Variants in WWC1 observed in about 807,000 individuals in gnomAD.
WWC1 encodes protein KIBRA.
Under a neutral mutation model 138.4 loss-of-function variants are expected in WWC1, and 55 were observed. The ratio of observed to expected loss-of-function variants is 0.40; its 90% CI spans 0.32 to 0.50. WWC1 has a LOEUF of 0.50. Among genes scored for constraint, WWC1 ranks in the 20% least tolerant of loss-of-function variants. WWC1 has a pLI of 0.72. For missense variants in WWC1, 1,226 were observed against 1,420.4 expected, an observed-to-expected ratio of 0.86 and a Z score of 2.20; for synonymous variants, 524 against 564.9, an observed-to-expected ratio of 0.93 and a Z score of 1.03.
intron 5 of WWC1, among the ~76,000 whole-genome samples, chr5:168,403,454 C>T (rs1462848435): frequency 6.6e-6 from 1 of 152,128 alleles, no homozygotes; most frequent in African/African-American, 2.4e-5. Flanking sequence ...ATGACACCAG[C>T]TAAGCTTCTT....
At chr5:168,450,143 G>T (rs997339042) in intron 17 of WWC1, among the ~76,000 whole-genome samples, 7 of 152,182 alleles carry the variant, frequency 4.6e-5, no homozygotes, top group Non-Finnish European at 4.4e-5. Flanking sequence ...GTCTCATGCT[G>T]ATCAGAAGCC....
chr5:168,407,904 C>T (rs1034870384), intron 6 of WWC1, among the ~76,000 whole-genome samples: 4 of 151,930 alleles, frequency 2.6e-5, no homozygotes, highest in Non-Finnish European at 5.9e-5. Context: ...GCTCTATCAC[C>T]CAGGCTGGAA....
intron 1 of WWC1, among the ~76,000 whole-genome samples, chr5:168,328,051 C>G (rs917382874): frequency 6.6e-6 from 1 of 152,192 alleles, no homozygotes; most frequent in African/African-American, 2.4e-5. Flanking sequence ...GAGTAACTTG[C>G]TTAAGGTCTC....
rs537721214 is a variant in WWC1, at chr5:168,292,635, G to A, written c.119+364G>A. 2.4e-3 allele frequency among the ~76,000 whole-genome samples: 363 copies of A among 152,226 alleles called. No homozygotes were observed. Among genetic ancestry groups the A allele is most frequent in the Non-Finnish European group, 3.8e-3 (260 of 68,000 alleles). On this transcript the variant is annotated intron_variant, in intron 1 of 22. Coordinates refer to ENST00000265293, the MANE Select transcript of WWC1 (RefSeq NM_015238.3). The surrounding 1 kb of genome is among the most constrained non-coding windows in gnomAD (Gnocchi z 4.4). ...GGTTGGGGGAGCGACCTAGCCGGGT[G>A]AAGCCGGGTCTTCCCGGGGAGGCTT... is the stretch of plus-strand genomic sequence containing the variant.
intron 1 of WWC1, among the ~76,000 whole-genome samples, chr5:168,367,533 G>GTGTTAGCCAGGA (rs56106034): frequency 0.54 from 76,368 of 140,724 alleles, 21,261 homozygotes; most frequent in Admixed American, 0.63. Context: ...GGGTTTCACC[G>GTGTTAGCCAGGA]TGGTCTCGAT....
intron 1 of WWC1, among the ~76,000 whole-genome samples, chr5:168,346,549 G>A (rs1391926787): frequency 1.3e-5 from 2 of 152,202 alleles, no homozygotes; most frequent in East Asian, 3.9e-4. Context: ...TAGTAGGCGT[G>A]CCTGAAATGC....
rs1471433632 is a variant in WWC1 at position 168,368,821 on chromosome 5, T to G, written c.120-2603T>G. On this transcript the variant is annotated intron_variant, in intron 1 of 22. Coordinates refer to ENST00000265293, the MANE Select transcript of WWC1 (RefSeq NM_015238.3). ...ACACTGAGAGAAGTGGCCTTTTGTT[T>G]CTGACATCTGGCAGGGCATGGAGGG... Among the ~76,000 whole-genome samples the G allele has an allele frequency of 2.0e-5, 3 of 152,196 alleles. No individual in the cohort carries two copies. In the East Asian group the frequency reaches 5.8e-4, roughly 29 times the overall value.
At chr5:168,371,655 T>C in intron 2 of WWC1, 122 bp downstream of exon 2, 1 of 621,996 alleles carries the variant, frequency 1.6e-6, no homozygotes, top group Non-Finnish European at 2.8e-6. Context: ...TATTTTGTTT[T>C]ATATAGATTT....
chr5:168,423,012 G>A (rs546211590), intron 10 of WWC1, among the ~76,000 whole-genome samples: 1 of 151,858 alleles, frequency 6.6e-6, no homozygotes, highest in Non-Finnish European at 1.5e-5. Context: ...CGGGCGTGGT[G>A]GCAGGTGCCT....
chr5:168,403,088 T>TTTCTTTCTTTTCTTTCTTTTC (rs374804391), intron 5 of WWC1, among the ~76,000 whole-genome samples: 5 of 124,240 alleles, frequency 4.0e-5, no homozygotes, highest in African/African-American at 1.4e-4. Flanking sequence ...CTTTTCTTTC[T>TTTCTTTCTTTTCTTTCTTTTC]TTTCTTTCTT....
At chr5:168,465,145 CACTCA>C (rs1456041129) in intron 21 of WWC1, among the ~76,000 whole-genome samples, 183 bp downstream of exon 21, 1 of 152,242 alleles carries the variant, frequency 6.6e-6, no homozygotes, top group East Asian at 1.9e-4. Flanking sequence ...TCCCTTTGCA[CACTCA>C]ACTTTATGAA....
chr5:168,438,374 A>G (rs531683540), intron 15 of WWC1, among the ~76,000 whole-genome samples: 3 of 152,210 alleles, frequency 2.0e-5, no homozygotes, highest in Admixed American at 6.5e-5. Flanking sequence ...ATGGTTATAT[A>G]AGGGGCTTTT....
At chr5:168,354,663 G>A (rs1485085161) in intron 1 of WWC1, among the ~76,000 whole-genome samples, 1 of 152,126 alleles carries the variant, frequency 6.6e-6, no homozygotes, top group Non-Finnish European at 1.5e-5. Flanking sequence ...AGACATCTGT[G>A]TATTCCATTC....
At chr5:168,449,608 T>C (rs1466545176) in intron 17 of WWC1, among the ~76,000 whole-genome samples, 1 of 148,700 alleles carries the variant, frequency 6.7e-6, no homozygotes, top group Non-Finnish European at 1.5e-5. Flanking sequence ...AGTTTCACTC[T>C]TGTTGCCCAG....
At chr5:168,310,032 C>A (rs984714205) in intron 1 of WWC1, among the ~76,000 whole-genome samples, 1 of 152,224 alleles carries the variant, frequency 6.6e-6, no homozygotes, top group Non-Finnish European at 1.5e-5. Context: ...CAGCCCTCCC[C>A]CTTCCCTGTC....
chr5:168,467,682 A>T (rs1048777374), intron 21 of WWC1, 158 bp from the exon 22 acceptor site: 32 of 1,068,380 alleles, frequency 3.0e-5, no homozygotes, highest in Non-Finnish European at 4.0e-5. Flanking sequence ...AGATGATTTG[A>T]GCACTTCCCA....
chr5:168,339,132 AG>A (rs1264487657), intron 1 of WWC1, among the ~76,000 whole-genome samples: 5 of 152,194 alleles, frequency 3.3e-5, no homozygotes, highest in African/African-American at 1.2e-4. Context: ...GAAAATGATG[AG>A]GTGCTGAGAA....
At chr5:168,434,064 A>G (rs1483760933) in intron 15 of WWC1, among the ~76,000 whole-genome samples, 1 of 152,172 alleles carries the variant, frequency 6.6e-6, no homozygotes, top group Admixed American at 6.5e-5. Context: ...GGGGGTGGTG[A>G]CTTGAAGGGG....
intron 1 of WWC1, among the ~76,000 whole-genome samples, chr5:168,330,167 A>T (rs146641612): frequency 1.1e-3 from 172 of 152,294 alleles, no homozygotes; most frequent in Admixed American, 1.8e-3. Context: ...ATTCCAAAAA[A>T]ATTCCTAAAA....
Sources: gnomAD v4.1 joint callset for allele counts (sites outside exome capture counted in the v4.1 genomes callset) on GRCh38, gnomAD v4.1.1 for gene constraint, Gnocchi (gnomAD v3.1) non-coding constraint, MANE v1.5 for transcripts, NCBI Gene and HGNC (gene_info 2026-07-23, HGNC 2026-07-21) for gene names.